The following FHIT variants were observed in gnomAD, a reference collection of about 807,000 sequenced individuals.
FHIT encodes bis(5'-adenosyl)-triphosphatase.
A neutral mutation model predicts 17.9 loss-of-function variants in FHIT; 19 were observed. That is an observed-to-expected ratio of 1.06 (90% confidence interval 0.74 to 1.56). The LOEUF (loss-of-function observed/expected upper bound fraction) is 1.56. Ranked by LOEUF, FHIT falls within the 40% of genes most tolerant of loss-of-function variation. The pLI is 0.00. For synonymous variants in FHIT, 81 were observed against 69.7 expected (o/e 1.16, Z -0.81); for missense variants, 248 against 189.2 (o/e 1.31, Z -1.82).
At chr3:60,826,096 G>C (rs1200655387) in intron 3 of FHIT, among the ~76,000 whole-genome samples, 2 of 151,532 alleles carry the variant, frequency 1.3e-5, no homozygotes, top group Non-Finnish European at 2.9e-5. Flanking sequence ...GCTCATCTGT[G>C]CTTTTTTGTT....
intron 8 of FHIT, among the ~76,000 whole-genome samples, chr3:59,830,063 C>T (rs1276385813): frequency 6.6e-6 from 1 of 152,050 alleles, no homozygotes; most frequent in Non-Finnish European, 1.5e-5. Context: ...GTGACAGAGA[C>T]CCTGTCTCAA....
chr3:60,668,118 CA>C (rs1432933470), intron 4 of FHIT, among the ~76,000 whole-genome samples: 1 of 151,906 alleles, frequency 6.6e-6, no homozygotes, highest in Non-Finnish European at 1.5e-5. Flanking sequence ...TGACTCTAGA[CA>C]GGGGAGGATC....
chr3:60,779,607 T>C (rs1553725273), intron 4 of FHIT, among the ~76,000 whole-genome samples: 3 of 152,188 alleles, frequency 2.0e-5, no homozygotes, highest in Admixed American at 6.5e-5. Context: ...CTCTCTCTTG[T>C]TGGAGGAGAA....
intron 5 of FHIT, among the ~76,000 whole-genome samples, chr3:60,365,622 A>G (rs929690151): frequency 1.3e-5 from 2 of 152,198 alleles, no homozygotes; most frequent in African/African-American, 4.8e-5. Context: ...GTCATAGACC[A>G]CTTCTGTTCT....
At chr3:59,764,733 T>A (rs1226047467) in intron 8 of FHIT, among the ~76,000 whole-genome samples, 1 of 152,302 alleles carries the variant, frequency 6.6e-6, no homozygotes, top group East Asian at 1.9e-4. Flanking sequence ...AATGCTTTTT[T>A]TTTTCTAACC....
chr3:60,948,894 C>G (rs1302420808), intron 3 of FHIT, among the ~76,000 whole-genome samples: 3 of 152,150 alleles, frequency 2.0e-5, no homozygotes, highest in Non-Finnish European at 2.9e-5. Context: ...CAACACCGCT[C>G]TTTTGTCTTC....
chr3:59,776,471 G>A (rs1702324224), intron 8 of FHIT, among the ~76,000 whole-genome samples: 1 of 152,164 alleles, frequency 6.6e-6, no homozygotes. Context: ...CACAGGCTAT[G>A]TGCAAAGTAA....
intron 2 of FHIT, among the ~76,000 whole-genome samples, chr3:61,053,592 A>AGG (rs1175195554): frequency 3.3e-5 from 5 of 152,056 alleles, no homozygotes; most frequent in Non-Finnish European, 7.4e-5. Context: ...CAGGAGGCAG[A>AGG]GGTTGCAGTG....
At chr3:61,050,486 T>C (rs943119904) in intron 2 of FHIT, among the ~76,000 whole-genome samples, 1 of 152,112 alleles carries the variant, frequency 6.6e-6, no homozygotes, top group African/African-American at 2.4e-5. Context: ...TTAGAAAATA[T>C]TAAGGAATTA....
At chr3:60,263,244 T>C (rs949383338) in intron 5 of FHIT, among the ~76,000 whole-genome samples, 1 of 152,000 alleles carries the variant, frequency 6.6e-6, no homozygotes, top group African/African-American at 2.4e-5. Context: ...CAAATGTTGA[T>C]GGTAGAGTGA....
intron 2 of FHIT, among the ~76,000 whole-genome samples, chr3:61,096,739 G>T (rs1438711953): frequency 2.0e-5 from 3 of 152,172 alleles, no homozygotes; most frequent in Non-Finnish European, 4.4e-5. Context: ...TGCTAGAAGA[G>T]CATAGACTTA....
intron 7 of FHIT, among the ~76,000 whole-genome samples, chr3:59,962,370 G>C (rs149751027): frequency 1.3e-5 from 2 of 152,130 alleles, no homozygotes; most frequent in Non-Finnish European, 2.9e-5. Context: ...AGTTTAGTGA[G>C]AGCCAAAAGA....
chr3:60,029,717 G>A (rs1700900916), intron 5 of FHIT, among the ~76,000 whole-genome samples: 1 of 152,140 alleles, frequency 6.6e-6, no homozygotes, highest in Admixed American at 6.6e-5. Flanking sequence ...TAAATTATGA[G>A]TATTCAGCCA....
chr3:60,404,152 G>A (rs143550860), intron 5 of FHIT, among the ~76,000 whole-genome samples: 136 of 152,132 alleles, frequency 8.9e-4, no homozygotes, highest in Admixed American at 7.5e-3. Context: ...GAATACTTTC[G>A]TTTTCAAAAA....
intron 8 of FHIT, among the ~76,000 whole-genome samples, chr3:59,920,913 G>A (rs964029036): frequency 5.9e-5 from 9 of 152,122 alleles, no homozygotes; most frequent in Admixed American, 2.0e-4. Flanking sequence ...TATTCCCAAA[G>A]GTAGTCATGC....
intron 5 of FHIT, among the ~76,000 whole-genome samples, chr3:60,118,022 G>T (rs573806123): frequency 6.6e-6 from 1 of 152,130 alleles, no homozygotes; most frequent in African/African-American, 2.4e-5. Context: ...TGATCCAAGC[G>T]GTGAGTTTGA....
In FHIT at chr3:60,187,116, G is replaced by A. The variant is rs948180776; in HGVS notation, c.104-172964C>T. ...CAGAGGGTCCTGTGGGGGATCAAAT[G>A]GTATACATTGTGATTCATTTTCATT... On this transcript the variant is annotated intron_variant, in intron 5 of 9. Transcript: ENST00000492590. Among the ~76,000 whole-genome samples the A allele has an allele frequency of 3.3e-5, 5 of 152,082 alleles. No homozygotes were observed. The South Asian group carries it at 1.0e-3, about 32-fold the overall frequency.
chr3:59,908,519 T>C (rs548712458), intron 8 of FHIT, among the ~76,000 whole-genome samples: 7 of 152,288 alleles, frequency 4.6e-5, no homozygotes, highest in Admixed American at 4.6e-4. Flanking sequence ...CAAAGAATGA[T>C]GGCATTCCTT....
chr3:60,643,046 C>T (rs782300586), intron 4 of FHIT, among the ~76,000 whole-genome samples: 32 of 152,170 alleles, frequency 2.1e-4, no homozygotes, highest in Non-Finnish European at 4.3e-4. Context: ...GGTAGTTCCA[C>T]GTGGCAAGGA....
Sources: allele counts gnomAD v4.1 joint callset (sites outside exome capture counted in the v4.1 genomes callset), GRCh38; gene constraint gnomAD v4.1.1; transcripts MANE v1.5; gene names NCBI Gene and HGNC (gene_info 2026-07-23, HGNC 2026-07-21).